Variants in RAB10 observed in about 807,000 individuals in gnomAD.
The protein encoded by RAB10 is RAB10, member RAS oncogene family, also known as ras-related protein Rab-10.
In RAB10, 5 loss-of-function variants were observed where a neutral mutation model predicts 25.7. The ratio of observed to expected loss-of-function variants is 0.19; its 90% CI spans 0.10 to 0.41. The LOEUF is 0.41. Ranked by LOEUF, RAB10 falls within the 10% of genes least tolerant of loss-of-function variation. The pLI, the probability that RAB10 is intolerant of heterozygous loss-of-function variation, is 1.00. For missense variants in RAB10, 103 were observed against 245.8 expected, an observed-to-expected ratio of 0.42 and a Z score of 3.89; for synonymous variants, 89 against 86.4, an observed-to-expected ratio of 1.03 and a Z score of -0.16.
chr2:26,113,884 G>T (rs74601329), intron 3 of RAB10, among the ~76,000 whole-genome samples: 1 of 151,766 alleles, frequency 6.6e-6, no homozygotes, highest in Non-Finnish European at 1.5e-5. Flanking sequence ...TAATAAACAA[G>T]TTCAGCAAGG....
chr2:26,074,405 T>C (rs1322443708), intron 1 of RAB10, among the ~76,000 whole-genome samples: 1 of 152,138 alleles, frequency 6.6e-6, no homozygotes, highest in Non-Finnish European at 1.5e-5. Context: ...TAAAGTATTT[T>C]ATTTTTTTAA....
rs192702641 is a variant in RAB10 at position 26,103,884 on chromosome 2, G to A, written c.188+5162G>A. ...TTTCACTTAGCATGAGGTTATCAGGGTCTGTCTGTGTTGTACATGAATCAG... is the reference window on the plus strand; with the variant it reads ...TTTCACTTAGCATGAGGTTATCAGGATCTGTCTGTGTTGTACATGAATCAG... On this transcript the variant is annotated intron_variant, in intron 2 of 5. Coordinates refer to ENST00000264710, the MANE Select transcript of RAB10 (RefSeq NM_016131.5). Among the ~76,000 whole-genome samples the A allele has an allele frequency of 4.3e-4, 66 of 152,088 alleles. No homozygotes were observed. The East Asian group carries it at 0.012, about 27-fold the overall frequency.
At chr2:26,049,177 G>T (rs13385739) in intron 1 of RAB10, among the ~76,000 whole-genome samples, 4,214 of 149,474 alleles carry the variant, frequency 0.028, 209 homozygotes, top group African/African-American at 0.098. Context: ...GGGTTTAGAT[G>T]GAGGTCGACT....
At chr2:26,096,695 A>C (rs1207132113) in intron 1 of RAB10, among the ~76,000 whole-genome samples, 1 of 152,104 alleles carries the variant, frequency 6.6e-6, no homozygotes, top group Non-Finnish European at 1.5e-5. Context: ...GAATTTTGTT[A>C]CAGTTTTATT....
chr2:26,097,996 C>G (rs77258668), intron 1 of RAB10, among the ~76,000 whole-genome samples: 2,013 of 151,964 alleles, frequency 0.013, 17 homozygotes, highest in Non-Finnish European at 0.022. Context: ...TTTTCCCCCA[C>G]TAGGAACCTT....
At chr2:26,077,295 A>G (rs1207124946) in intron 1 of RAB10, among the ~76,000 whole-genome samples, 1 of 152,208 alleles carries the variant, frequency 6.6e-6, no homozygotes, top group Non-Finnish European at 1.5e-5. Context: ...AAAATTTCTT[A>G]TTCTGGTGGA....
At chr2:26,098,817 G>A (rs1426515624) in intron 2 of RAB10, 95 bp downstream of exon 2, 1 of 1,103,278 alleles carries the variant, frequency 9.1e-7, no homozygotes, top group Admixed American at 2.9e-5. Context: ...GATTCTGTGA[G>A]ACTTTTGTTT....
chr2:26,129,167 G>A (rs907687174), intron 5 of RAB10, among the ~76,000 whole-genome samples: 1 of 151,714 alleles, frequency 6.6e-6, no homozygotes, highest in Non-Finnish European at 1.5e-5. Context: ...CTTCTTGGGA[G>A]GCTGAGGCAG....
chr2:26,100,046 A>G (rs1450980492), intron 2 of RAB10, among the ~76,000 whole-genome samples: 1 of 152,172 alleles, frequency 6.6e-6, no homozygotes, highest in East Asian at 1.9e-4. Context: ...TTTATTTCAA[A>G]TCAGGGAACA....
At chr2:26,035,338 A>G (rs1324849469) in intron 1 of RAB10, among the ~76,000 whole-genome samples, 3 of 152,228 alleles carry the variant, frequency 2.0e-5, no homozygotes, top group Non-Finnish European at 4.4e-5. Flanking sequence ...AGACATCAAC[A>G]GAAGCAGTAA....
At chr2:26,099,922 C>A (rs1201059485) in intron 2 of RAB10, among the ~76,000 whole-genome samples, 1 of 152,090 alleles carries the variant, frequency 6.6e-6, no homozygotes, top group Non-Finnish European at 1.5e-5. Context: ...TGTATCTACC[C>A]CGCAGAATGA....
At chr2:26,091,549 A>G (rs1667106920) in intron 1 of RAB10, among the ~76,000 whole-genome samples, 1 of 152,108 alleles carries the variant, frequency 6.6e-6, no homozygotes, top group Admixed American at 6.6e-5. Context: ...AGGTGGGAGA[A>G]TATGTAGGGC....
chr2:26,088,415 A>G (rs1170945093), intron 1 of RAB10, among the ~76,000 whole-genome samples: 2 of 152,190 alleles, frequency 1.3e-5, no homozygotes, highest in East Asian at 3.8e-4. Flanking sequence ...AAAAGGAATC[A>G]CTGTTTGGAT....
chr2:26,121,044 TG>T (rs1327891870), intron 3 of RAB10, among the ~76,000 whole-genome samples: 8 of 152,154 alleles, frequency 5.3e-5, no homozygotes, highest in Non-Finnish European at 7.3e-5. Context: ...CCCAAGTAGC[TG>T]AGATTACAGA....
At chr2:26,051,383 TA>T in intron 1 of RAB10, among the ~76,000 whole-genome samples, 1 of 61,956 alleles carries the variant, frequency 1.6e-5, no homozygotes, top group African/African-American at 6.0e-5. Flanking sequence ...CCCCCCGTTT[TA>T]TTGTAAATTT....
At chr2:26,103,845 T>C (rs1667410681) in intron 2 of RAB10, among the ~76,000 whole-genome samples, 1 of 152,222 alleles carries the variant, frequency 6.6e-6, no homozygotes, top group African/African-American at 2.4e-5. Context: ...ATATGGTCTT[T>C]TGTGACTAGT....
At chr2:26,128,598 A>G (rs577490947) in intron 5 of RAB10, among the ~76,000 whole-genome samples, 20 of 100,590 alleles carry the variant, frequency 2.0e-4, no homozygotes, top group African/African-American at 9.0e-4. Flanking sequence ...ATTCTCAAAG[A>G]TAATTTAGGA....
intron 1 of RAB10, among the ~76,000 whole-genome samples, chr2:26,045,679 A>G (rs1273133305): frequency 6.6e-6 from 1 of 152,168 alleles, no homozygotes; most frequent in Non-Finnish European, 1.5e-5. Context: ...AGCTGAAGAG[A>G]TTTGCCTGGG....
intron 5 of RAB10, among the ~76,000 whole-genome samples, chr2:26,134,169 G>C (rs1484187503): frequency 6.6e-6 from 1 of 152,150 alleles, no homozygotes; most frequent in African/African-American, 2.4e-5. Flanking sequence ...AGGCTGGAGT[G>C]CAGTGGAGTG....
Sources: allele counts gnomAD v4.1 joint callset (sites outside exome capture counted in the v4.1 genomes callset), GRCh38; gene constraint gnomAD v4.1.1; transcripts MANE v1.5; gene names NCBI Gene and HGNC (gene_info 2026-07-23, HGNC 2026-07-21).